PCDHGA1: variants seen among roughly 807,000 people sequenced by gnomAD.
PCDHGA1 encodes protocadherin gamma subfamily A, 1, also known as protocadherin gamma-A1.
In PCDHGA1, 32 loss-of-function variants were observed where a neutral mutation model predicts 58.0. The ratio of observed to expected loss-of-function variants is 0.55; its 90% CI spans 0.42 to 0.74. PCDHGA1 has a LOEUF of 0.74. Ranked by LOEUF, PCDHGA1 falls within the 30% of genes least tolerant of loss-of-function variation. The pLI, the probability that PCDHGA1 is intolerant of heterozygous loss-of-function variation, is 0.00. For synonymous variants in PCDHGA1, 498 were observed against 501.1 expected (o/e 0.99, Z 0.08); for missense variants, 1,205 against 1,182.3 (o/e 1.02, Z -0.28).
chr5:141,415,278 G>A (rs768587119), intron 1 of PCDHGA1: 4 of 1,614,212 alleles, frequency 2.5e-6, no homozygotes, highest in Non-Finnish European at 3.4e-6. Flanking sequence ...TGGTAGCGGT[G>A]GCCGCGGTCT....
chr5:141,372,524 A>T, intron 1 of PCDHGA1: 1 of 1,613,968 alleles, frequency 6.2e-7, no homozygotes, highest in Non-Finnish European at 8.5e-7. Context: ...TGATTCTGGC[A>T]ATCTCCCTGC....
rs376300717 is a variant in PCDHGA1, at chr5:141,339,338, A to C, written c.2421+6233A>C. On this transcript the variant is annotated intron_variant, in intron 1 of 3. Transcript: ENST00000517417. ...GACTATTTATTCAGTAGAGGTGGAAATAACAGATATTAACGATAATGCCCC... is the reference window on the plus strand; with the variant it reads ...GACTATTTATTCAGTAGAGGTGGAACTAACAGATATTAACGATAATGCCCC... 3.7e-6 allele frequency: 6 copies of C among 1,614,142 alleles called. No homozygotes were observed. In the African/African-American group the frequency reaches 6.7e-5, roughly 18 times the overall value.
At chr5:141,355,304 T>C (rs1023536266) in intron 1 of PCDHGA1, 2 of 1,613,812 alleles carry the variant, frequency 1.2e-6, no homozygotes, top group African/African-American at 2.7e-5. Context: ...CTCTACTCGG[T>C]GTTTGAGGAG....
chr5:141,457,127 C>G (rs2098910262), intron 1 of PCDHGA1, among the ~76,000 whole-genome samples: 1 of 152,200 alleles, frequency 6.6e-6, no homozygotes, highest in Admixed American at 6.5e-5. Flanking sequence ...AATGGAAACT[C>G]TGTCCAATAT....
chr5:141,478,497 CGGTGTTCTATAGGCA>C, intron 1 of PCDHGA1: 1 of 1,612,820 alleles, frequency 6.2e-7, no homozygotes, highest in South Asian at 1.1e-5. Flanking sequence ...AGCTGTGATC[CGGTGTTCTATAGGCA>C]GGTGTTGGGT....
In PCDHGA1 at chr5:141,505,435, G is replaced by A. The variant is rs1274195652; in HGVS notation, c.2523G>A (p.Gln841=). The change falls in exon 3 of 4, where the codon CAG becomes CAA. Residue 841 remains glutamine, a synonymous_variant. Transcript: ENST00000517417. ...GDDTGTWPNN[Q]FDTEMLQAMI... is the part of the protein sequence containing the mutation. ...ACACCGGCACCTGGCCCAACAACCA[G>A]TTTGACACAGAGATGCTGCAAGCCA... 1 of 1,614,096 alleles carries A rather than the reference G, an allele frequency of 6.2e-7. No homozygotes were observed. Among genetic ancestry groups the A allele is most frequent in the African/African-American group, 1.3e-5 (1 of 74,936 alleles).
At chr5:141,364,174 C>T in intron 1 of PCDHGA1, 6 of 816,492 alleles carry the variant, frequency 7.3e-6, no homozygotes, top group Non-Finnish European at 1.1e-5. Flanking sequence ...CCCGACTCTG[C>T]TCCCTCCATA....
chr5:141,510,880 G>T (rs373993657), intron 3 of PCDHGA1, 67 bp from the exon 4 acceptor site: 1 of 1,611,902 alleles, frequency 6.2e-7, no homozygotes. Context: ...AACTGCTGGG[G>T]ATATAAGACA....
chr5:141,362,095 C>T (rs771113210), intron 1 of PCDHGA1: 36 of 1,613,738 alleles, frequency 2.2e-5, no homozygotes, highest in Non-Finnish European at 7.6e-6. Flanking sequence ...ACAGCCGCCA[C>T]TCTCCGCTAC....
chr5:141,364,754 G>C, intron 1 of PCDHGA1: 1 of 1,613,988 alleles, frequency 6.2e-7, no homozygotes, highest in Non-Finnish European at 8.5e-7. Flanking sequence ...AAAAGTAAAA[G>C]TTAATGAAAA....
chr5:141,425,241 AG>A (rs2096863585), intron 1 of PCDHGA1, among the ~76,000 whole-genome samples: 1 of 152,220 alleles, frequency 6.6e-6, no homozygotes, highest in Admixed American at 6.5e-5. Flanking sequence ...TTAAATAAAA[AG>A]GATATGAGGT....
chr5:141,398,563 G>A lies in PCDHGA1; in HGVS notation c.2421+65458G>A, dbSNP rs375890903. The A allele has an allele frequency of 2.4e-5, 39 of 1,613,842 alleles. No individual in the cohort carries two copies. The African/African-American group carries it at 3.2e-4, about 13-fold the overall frequency. On this transcript the variant is annotated intron_variant, in intron 1 of 3. Coordinates refer to ENST00000517417, the MANE Select transcript of PCDHGA1 (RefSeq NM_018912.3). Reference sequence around the variant, plus strand: ...CTTTGAGCTGCAAATAAGTGAGTCTGCACAGCCTGGCACAAGATTTATACT... The same window carrying A: ...CTTTGAGCTGCAAATAAGTGAGTCTACACAGCCTGGCACAAGATTTATACT...
chr5:141,496,783 C>T (rs572860852), intron 2 of PCDHGA1, among the ~76,000 whole-genome samples: 1 of 152,162 alleles, frequency 6.6e-6, no homozygotes, highest in East Asian at 1.9e-4. Context: ...GAGCAGGGCC[C>T]TGTGCTAAAC....
At chr5:141,337,457 T>C (rs1379967789) in intron 1 of PCDHGA1, among the ~76,000 whole-genome samples, 2 of 152,184 alleles carry the variant, frequency 1.3e-5, no homozygotes, top group Non-Finnish European at 2.9e-5. Context: ...GGAAGGGAAT[T>C]CTGTTACATG....
chr5:141,417,658 G>C, intron 1 of PCDHGA1: 2 of 869,072 alleles, frequency 2.3e-6, no homozygotes, highest in Non-Finnish European at 1.7e-6. Context: ...TCTAGCCTGG[G>C]ATTCCCTGCG....
intron 1 of PCDHGA1, chr5:141,366,607 C>T (rs200161061): frequency 6.8e-5 from 110 of 1,614,150 alleles, no homozygotes; most frequent in Non-Finnish European, 9.1e-5. Flanking sequence ...AGGTCTCCCT[C>T]ACCGCGGACT....
At chr5:141,381,826 C>CTTTTTTTTTTTTTTTTTTTTTTTTTTT (rs770630741) in intron 1 of PCDHGA1, among the ~76,000 whole-genome samples, 2 of 74,278 alleles carry the variant, frequency 2.7e-5, no homozygotes, top group African/African-American at 6.2e-5. Flanking sequence ...CTTTCTTCTT[C>CTTTTTTTTTTTTTTTTTTTTTTTTTTT]TTTTTTTTTT....
intron 1 of PCDHGA1, chr5:141,399,654 G>A (rs2093857278): frequency 1.2e-6 from 2 of 1,613,586 alleles, no homozygotes. Flanking sequence ...AAAGTGGGGT[G>A]GTGTTCGCGC....
At chr5:141,353,402 ATCT>A (rs1178669390) in intron 1 of PCDHGA1, among the ~76,000 whole-genome samples, 1 of 152,140 alleles carries the variant, frequency 6.6e-6, no homozygotes, top group African/African-American at 2.4e-5. Context: ...AATTAATGTA[ATCT>A]TCATCAATTA....
Sources: gnomAD v4.1 joint callset for allele counts (sites outside exome capture counted in the v4.1 genomes callset) on GRCh38, gnomAD v4.1.1 for gene constraint, MANE v1.5 for transcripts, NCBI Gene and HGNC (gene_info 2026-07-23, HGNC 2026-07-21) for gene names.